The following SPOCK1 variants were observed in gnomAD, a reference collection of about 807,000 sequenced individuals.
The protein encoded by SPOCK1 is SPARC (osteonectin), cwcv and kazal like domains proteoglycan 1, also known as testican-1.
In SPOCK1, 23 loss-of-function variants were observed where a neutral mutation model predicts 55.3. The observed-to-expected ratio is 0.42, with a 90% CI of 0.30 to 0.59. The LOEUF (loss-of-function observed/expected upper bound fraction) is 0.59. SPOCK1 is among the 20% of genes least tolerant of loss of function. The pLI is 0.22. For synonymous variants in SPOCK1, 226 were observed against 221.0 expected (o/e 1.02, Z -0.20); for missense variants, 499 against 552.5 (o/e 0.90, Z 0.97).
intron 4 of SPOCK1, among the ~76,000 whole-genome samples, chr5:137,121,387 T>C (rs1293252275): frequency 6.6e-6 from 1 of 151,960 alleles, no homozygotes; most frequent in Non-Finnish European, 1.5e-5. Context: ...AGGAATCCCA[T>C]GAGCCAGGCT....
At chr5:137,470,982 T>G (rs988114536) in intron 2 of SPOCK1, among the ~76,000 whole-genome samples, 3 of 152,186 alleles carry the variant, frequency 2.0e-5, no homozygotes, top group Non-Finnish European at 2.9e-5. Context: ...GGGAAAACAG[T>G]TCTTTTTCAT....
intron 2 of SPOCK1, among the ~76,000 whole-genome samples, chr5:137,314,653 T>C (rs1757845102): frequency 6.6e-6 from 1 of 152,190 alleles, no homozygotes; most frequent in Admixed American, 6.5e-5. Context: ...CACCTGTCTA[T>C]TGTTTATCCA....
At chr5:137,486,641 A>G (rs1345611274) in intron 2 of SPOCK1, among the ~76,000 whole-genome samples, 1 of 152,238 alleles carries the variant, frequency 6.6e-6, no homozygotes, top group Non-Finnish European at 1.5e-5. Flanking sequence ...TGGTTTCTAA[A>G]AAGGCAAAGA....
chr5:137,257,528 A>T (rs1490380065), intron 3 of SPOCK1, among the ~76,000 whole-genome samples: 2 of 152,174 alleles, frequency 1.3e-5, no homozygotes, highest in Non-Finnish European at 2.9e-5. Flanking sequence ...TGGCACCCTC[A>T]TCTCCAACTT....
At chr5:137,094,770 CA>C (rs1464976869) in intron 5 of SPOCK1, among the ~76,000 whole-genome samples, 1 of 152,214 alleles carries the variant, frequency 6.6e-6, no homozygotes, top group Non-Finnish European at 1.5e-5. Context: ...AAAAATTTCT[CA>C]GTAGCAATGT....
At chr5:137,116,969 G>A (rs888138062) in intron 4 of SPOCK1, among the ~76,000 whole-genome samples, 1 of 152,110 alleles carries the variant, frequency 6.6e-6, no homozygotes, top group Admixed American at 6.5e-5. Flanking sequence ...AGGCAGTCAG[G>A]CTGCACTCCC....
At chr5:137,214,735 C>T (rs1755682257) in intron 3 of SPOCK1, among the ~76,000 whole-genome samples, 2 of 152,060 alleles carry the variant, frequency 1.3e-5, no homozygotes, top group South Asian at 4.2e-4. Flanking sequence ...GATAGTGGGG[C>T]CTGACGTGGT....
At chr5:137,486,393 C>G (rs915686691) in intron 2 of SPOCK1, among the ~76,000 whole-genome samples, 1 of 152,240 alleles carries the variant, frequency 6.6e-6, no homozygotes, top group African/African-American at 2.4e-5. Flanking sequence ...AGAGTAGGCC[C>G]TTTTCTTTGC....
chr5:137,043,119 A>G (rs942642780), intron 6 of SPOCK1, among the ~76,000 whole-genome samples: 12 of 152,180 alleles, frequency 7.9e-5, no homozygotes, highest in Non-Finnish European at 1.5e-4. Context: ...AAGAGTAGGT[A>G]AATAAAATAC....
chr5:137,128,335 C>A (rs767904920), intron 4 of SPOCK1, among the ~76,000 whole-genome samples: 2 of 152,188 alleles, frequency 1.3e-5, no homozygotes, highest in Non-Finnish European at 2.9e-5. Flanking sequence ...ACTAAGATAA[C>A]AACTGACATT....
rs1753543723 is a variant in SPOCK1 at position 137,463,793 on chromosome 5, G to GA, written c.186+34579dup. 9.9e-5 allele frequency among the ~76,000 whole-genome samples: 15 copies of GA among 151,742 alleles called. No individual in the cohort carries two copies. The South Asian group carries it at 3.1e-3, about 32-fold the overall frequency. On this transcript the variant is annotated intron_variant, in intron 2 of 10. Coordinates refer to ENST00000394945, the MANE Select transcript of SPOCK1 (RefSeq NM_004598.4). ...CAAAACCCCATCTCTACTAAAAATA[G>GA]AAAAATTAGCTGGACACAGTGGCGT... is the stretch of plus-strand genomic sequence containing the variant.
At chr5:137,347,849 C>A in intron 2 of SPOCK1, among the ~76,000 whole-genome samples, 1 of 152,228 alleles carries the variant, frequency 6.6e-6, no homozygotes, top group Non-Finnish European at 1.5e-5. Context: ...TCTTAGAATG[C>A]CCTACACGTG....
chr5:137,240,515 A>C, intron 3 of SPOCK1, among the ~76,000 whole-genome samples: 1 of 152,184 alleles, frequency 6.6e-6, no homozygotes, highest in South Asian at 2.1e-4. Flanking sequence ...CACCCCAGTG[A>C]TCCCGACACC....
intron 2 of SPOCK1, among the ~76,000 whole-genome samples, chr5:137,332,150 C>T (rs894092184): frequency 6.6e-6 from 1 of 152,106 alleles, no homozygotes; most frequent in Non-Finnish European, 1.5e-5. Context: ...TCCAACCTCC[C>T]CAGGCACCCA....
At chr5:136,996,658 A>G (rs1207396664) in intron 6 of SPOCK1, among the ~76,000 whole-genome samples, 1 of 152,158 alleles carries the variant, frequency 6.6e-6, no homozygotes, top group Non-Finnish European at 1.5e-5. Flanking sequence ...GTCTTACAAG[A>G]GGATTATAAA....
Position 137,498,016 on chromosome 5 carries a change from G to A in SPOCK1, c.186+357C>T, listed in dbSNP as rs929297169. Among the ~76,000 whole-genome samples the A allele has an allele frequency of 2.6e-5, 4 of 152,124 alleles. No individual in the cohort carries two copies. In the East Asian group the frequency reaches 7.7e-4, roughly 29 times the overall value. ...GAGGTTTTCTCCGGAGCTAGGGAAAGTCTACCATCACGGTTAGGAGAAGTC... is the reference window on the plus strand; with the variant it reads ...GAGGTTTTCTCCGGAGCTAGGGAAAATCTACCATCACGGTTAGGAGAAGTC... On this transcript the variant is annotated intron_variant, in intron 2 of 10. Coordinates refer to ENST00000394945, the MANE Select transcript of SPOCK1 (RefSeq NM_004598.4).
At chr5:137,425,221 A>G (rs1752583898) in intron 2 of SPOCK1, among the ~76,000 whole-genome samples, 1 of 152,228 alleles carries the variant, frequency 6.6e-6, no homozygotes, top group Non-Finnish European at 1.5e-5. Flanking sequence ...AGATACACTT[A>G]TTACTAATGT....
intron 2 of SPOCK1, among the ~76,000 whole-genome samples, chr5:137,421,323 C>A (rs1198753867): frequency 6.6e-6 from 1 of 152,136 alleles, no homozygotes; most frequent in Non-Finnish European, 1.5e-5. Context: ...CCACTTGGTG[C>A]AGAGCTGAAT....
At chr5:136,995,474 C>T (rs1439258138) in intron 6 of SPOCK1, among the ~76,000 whole-genome samples, 19 of 152,188 alleles carry the variant, frequency 1.2e-4, no homozygotes, top group Non-Finnish European at 2.9e-5. Flanking sequence ...TTTTCTGACA[C>T]TGCCCTGCTC....
Sources: gnomAD v4.1 joint callset for allele counts (sites outside exome capture counted in the v4.1 genomes callset) on GRCh38, gnomAD v4.1.1 for gene constraint, MANE v1.5 for transcripts, NCBI Gene and HGNC (gene_info 2026-07-23, HGNC 2026-07-21) for gene names.